Variants in FAT3 observed in about 807,000 individuals in gnomAD.
The protein encoded by FAT3 is FAT atypical cadherin 3, also known as protocadherin Fat 3.
In FAT3, 95 loss-of-function variants were observed where a neutral mutation model predicts 310.2. The ratio of observed to expected loss-of-function variants is 0.31; its 90% CI spans 0.26 to 0.36. The LOEUF is 0.36. Among genes scored for constraint, FAT3 ranks in the 10% least tolerant of loss-of-function variants. The pLI is 1.00. For synonymous variants in FAT3, 2,314 were observed against 2,192.9 expected, an observed-to-expected ratio of 1.06 and a Z score of -1.54; for missense variants, 5,408 against 5,715.6, an observed-to-expected ratio of 0.95 and a Z score of 1.74.
chr11:92,483,789 C>T (rs182890459), intron 2 of FAT3, among the ~76,000 whole-genome samples: 1 of 152,300 alleles, frequency 6.6e-6, no homozygotes, highest in East Asian at 1.9e-4. Flanking sequence ...TAGTATCTGG[C>T]ACAGAGAAGA....
chr11:92,551,083 C>G (rs1016667344), intron 3 of FAT3, among the ~76,000 whole-genome samples: 1 of 151,926 alleles, frequency 6.6e-6, no homozygotes, highest in African/African-American at 2.4e-5. Context: ...ACCTGTCCAC[C>G]CATTATTCTT....
intron 1 of FAT3, among the ~76,000 whole-genome samples, chr11:92,318,156 T>G (rs1947515471): frequency 6.6e-6 from 1 of 152,024 alleles, no homozygotes; most frequent in Admixed American, 6.5e-5. Flanking sequence ...AGGAGTAGAC[T>G]GAGATATAGA....
chr11:92,580,369 C>T (rs1938723687), intron 3 of FAT3, among the ~76,000 whole-genome samples: 3 of 152,074 alleles, frequency 2.0e-5, no homozygotes, highest in South Asian at 4.1e-4. Flanking sequence ...CTTCCCCTAA[C>T]ACTAGCTGTG....
chr11:92,532,157 G>GTA (rs1405224066), intron 3 of FAT3, among the ~76,000 whole-genome samples: 7 of 151,920 alleles, frequency 4.6e-5, no homozygotes, highest in African/African-American at 4.8e-5. Flanking sequence ...GTATGTATGT[G>GTA]TACATATATA....
chr11:92,689,155 C>T (rs572310429), intron 3 of FAT3, among the ~76,000 whole-genome samples: 178 of 152,218 alleles, frequency 1.2e-3, no homozygotes, highest in African/African-American at 4.2e-3. Flanking sequence ...CATGCAGCTG[C>T]CTAGAGGTAG....
At chr11:92,774,649 A>C (rs1478352716) in intron 7 of FAT3, among the ~76,000 whole-genome samples, 16 of 152,186 alleles carry the variant, frequency 1.1e-4, no homozygotes. Flanking sequence ...GCCTTAGTAA[A>C]GAAAAAGGAC....
intron 7 of FAT3, among the ~76,000 whole-genome samples, chr11:92,786,794 G>A (rs964422118): frequency 6.6e-6 from 1 of 152,076 alleles, no homozygotes; most frequent in Non-Finnish European, 1.5e-5. Context: ...TTAAAAATGG[G>A]CACAAGGCTC....
At chr11:92,652,044 A>G (rs1942398220) in intron 3 of FAT3, among the ~76,000 whole-genome samples, 1 of 152,214 alleles carries the variant, frequency 6.6e-6, no homozygotes, top group Non-Finnish European at 1.5e-5. Flanking sequence ...GAGAGCTGAC[A>G]GTGTGGAACA....
At chr11:92,496,925 C>T (rs1300698890) in intron 2 of FAT3, among the ~76,000 whole-genome samples, 1 of 152,046 alleles carries the variant, frequency 6.6e-6, no homozygotes, top group African/African-American at 2.4e-5. Context: ...TGATCCTAAA[C>T]ATGACTCCCG....
At chr11:92,680,519 T>C (rs1159443680) in intron 3 of FAT3, among the ~76,000 whole-genome samples, 1 of 152,242 alleles carries the variant, frequency 6.6e-6, no homozygotes, top group Non-Finnish European at 1.5e-5. Flanking sequence ...AACCTTGTAA[T>C]ATAATTTGAA....
intron 3 of FAT3, among the ~76,000 whole-genome samples, chr11:92,582,410 A>G (rs1337163510): frequency 1.3e-5 from 2 of 152,034 alleles, no homozygotes; most frequent in Non-Finnish European, 1.5e-5. Flanking sequence ...TGCAAATAAT[A>G]CATCCTGTAA....
intron 2 of FAT3, among the ~76,000 whole-genome samples, chr11:92,374,030 G>GGAGAGAGAGAGAGAGA (rs58680206): frequency 0.014 from 1,970 of 142,146 alleles, 24 homozygotes; most frequent in African/African-American, 0.018. Flanking sequence ...ACAGAGAGAG[G>GGAGAGAGAGAGAGAGA]GAGAGAGAGA....
chr11:92,316,846 A>G (rs1947476417), intron 1 of FAT3, among the ~76,000 whole-genome samples: 1 of 152,190 alleles, frequency 6.6e-6, no homozygotes, highest in Non-Finnish European at 1.5e-5. Flanking sequence ...GCTTTCAGTC[A>G]ATGATTTTCC....
intron 2 of FAT3, among the ~76,000 whole-genome samples, chr11:92,388,675 TA>T (rs1475031194): frequency 6.6e-6 from 1 of 152,188 alleles, no homozygotes; most frequent in Non-Finnish European, 1.5e-5. Context: ...TGAAGAAGCT[TA>T]TTCATTTCCT....
chr11:92,809,424 G>C (rs1211259156), intron 12 of FAT3, among the ~76,000 whole-genome samples: 4 of 152,162 alleles, frequency 2.6e-5, no homozygotes, highest in Non-Finnish European at 5.9e-5. Flanking sequence ...TGGGTCTATG[G>C]GTTGTTGACA....
chr11:92,365,989 A>G (rs750543338), intron 2 of FAT3, among the ~76,000 whole-genome samples: 2 of 152,244 alleles, frequency 1.3e-5, no homozygotes, highest in Non-Finnish European at 2.9e-5. Flanking sequence ...TCAACCTGCT[A>G]GAGCCAGCTC....
chr11:92,476,580 C>G (rs1294058997), intron 2 of FAT3, among the ~76,000 whole-genome samples: 1 of 152,124 alleles, frequency 6.6e-6, no homozygotes, highest in Admixed American at 6.5e-5. Flanking sequence ...TACAGCCGTA[C>G]TTGGGGGTGA....
intron 2 of FAT3, among the ~76,000 whole-genome samples, chr11:92,480,960 C>A (rs1952207947): frequency 6.6e-6 from 1 of 152,158 alleles, no homozygotes; most frequent in African/African-American, 2.4e-5. Flanking sequence ...TTATGTCCAG[C>A]CCCTTTTACT....
At chr11:92,288,512 T>TAA (rs1946613291) in intron 1 of FAT3, among the ~76,000 whole-genome samples, 1 of 152,276 alleles carries the variant, frequency 6.6e-6, no homozygotes, top group East Asian at 1.9e-4. Flanking sequence ...TCCTGTCGTT[T>TAA]AACTCTATAT....
Sources: allele counts gnomAD v4.1 joint callset (sites outside exome capture counted in the v4.1 genomes callset), GRCh38; gene constraint gnomAD v4.1.1; transcripts MANE v1.5; gene names NCBI Gene and HGNC (gene_info 2026-07-23, HGNC 2026-07-21).